LYPLAL1: variants seen among roughly 807,000 people sequenced by gnomAD.
LYPLAL1 encodes lysophospholipase-like protein 1.
LYPLAL1 carries 23 observed loss-of-function variants against 19.7 expected under a neutral mutation model. The ratio of observed to expected loss-of-function variants is 1.17; its 90% CI spans 0.84 to 1.65. The LOEUF is 1.65. LYPLAL1 is among the 40% of genes most tolerant of loss of function. LYPLAL1 has a pLI of 0.00. For synonymous variants in LYPLAL1, 119 were observed against 96.3 expected (o/e 1.24, Z -1.38); for missense variants, 355 against 279.4 (o/e 1.27, Z -1.93).
the LYPLAL1 span, among the ~76,000 whole-genome samples, chr1:219,232,113 T>C: frequency 6.6e-6 from 1 of 152,236 alleles, no homozygotes; most frequent in Non-Finnish European, 1.5e-5. Flanking sequence ...TTTATTATCT[T>C]AGCTTTCATA....
At chr1:219,338,367 A>G in the LYPLAL1 span, among the ~76,000 whole-genome samples, 5 of 152,040 alleles carry the variant, frequency 3.3e-5, no homozygotes, top group Admixed American at 6.6e-5. Context: ...GTGACCCTGC[A>G]TGAAACCACA....
chr1:219,345,908 G>T, the LYPLAL1 span, among the ~76,000 whole-genome samples: 1 of 152,268 alleles, frequency 6.6e-6, no homozygotes, highest in Admixed American at 6.5e-5. Flanking sequence ...TCAACGAGTG[G>T]TTCTCCTTTA....
At chr1:219,274,680 G>C in the LYPLAL1 span, among the ~76,000 whole-genome samples, 3 of 152,054 alleles carry the variant, frequency 2.0e-5, no homozygotes, top group African/African-American at 7.2e-5. Flanking sequence ...CACCGCCCCC[G>C]GCCAGTTTTG....
chr1:219,244,210 G>A, the LYPLAL1 span, among the ~76,000 whole-genome samples: 15 of 152,176 alleles, frequency 9.9e-5, no homozygotes, highest in African/African-American at 3.6e-4. Context: ...TAGTAAGTGA[G>A]GGATGCAGTT....
intron 2 of LYPLAL1, among the ~76,000 whole-genome samples, chr1:219,191,364 AG>A (rs1027341896): frequency 6.6e-6 from 1 of 151,680 alleles, no homozygotes; most frequent in African/African-American, 2.4e-5. Flanking sequence ...TCCCATTATT[AG>A]GGGAATGGCT....
At chr1:219,411,830 T>TA in the LYPLAL1 span, 1 of 166,624 alleles carries the variant, frequency 6.0e-6, no homozygotes, top group Non-Finnish European at 1.3e-5. Context: ...AACGCCACCT[T>TA]AAGAGCTGTA....
At chr1:219,335,671 A>G in the LYPLAL1 span, among the ~76,000 whole-genome samples, 7 of 152,062 alleles carry the variant, frequency 4.6e-5, no homozygotes, top group South Asian at 1.5e-3. Flanking sequence ...ATGGTAAAAT[A>G]ATTCATTAAT....
chr1:219,219,616 G>C, the LYPLAL1 span, among the ~76,000 whole-genome samples: 1 of 152,174 alleles, frequency 6.6e-6, no homozygotes, highest in Non-Finnish European at 1.5e-5. Flanking sequence ...ACCACCAGTT[G>C]GGTGGCATCT....
intron 2 of LYPLAL1, among the ~76,000 whole-genome samples, chr1:219,187,017 T>C (rs895202802): frequency 2.6e-5 from 4 of 151,556 alleles, no homozygotes; most frequent in African/African-American, 9.7e-5. Flanking sequence ...CTTTTTTACC[T>C]ACTTAGAGTT....
the LYPLAL1 span, among the ~76,000 whole-genome samples, chr1:219,381,238 CT>C: frequency 6.6e-6 from 1 of 152,196 alleles, no homozygotes; most frequent in African/African-American, 2.4e-5. Flanking sequence ...CACATGCTCT[CT>C]TGCCTGCTGC....
chr1:219,396,000 G>A, the LYPLAL1 span, among the ~76,000 whole-genome samples: 2 of 151,920 alleles, frequency 1.3e-5, no homozygotes, highest in African/African-American at 2.4e-5. Context: ...CTACTTGGGA[G>A]GCTGAGGCAG....
chr1:219,329,184 G>T, the LYPLAL1 span, among the ~76,000 whole-genome samples: 1 of 151,828 alleles, frequency 6.6e-6, no homozygotes, highest in Non-Finnish European at 1.5e-5. Flanking sequence ...ACTGGTCTCG[G>T]TTTGACACTT....
the LYPLAL1 span, among the ~76,000 whole-genome samples, chr1:219,248,288 T>C: frequency 7.2e-5 from 11 of 152,144 alleles, no homozygotes; most frequent in African/African-American, 2.7e-4. Flanking sequence ...CTGACACTCT[T>C]GGTGATGAGG....
the LYPLAL1 span, among the ~76,000 whole-genome samples, chr1:219,353,726 A>C: frequency 0.15 from 22,830 of 152,242 alleles, 1,897 homozygotes; most frequent in East Asian, 0.28. Flanking sequence ...CACAAAAATC[A>C]TTATGTCTAG....
the LYPLAL1 span, among the ~76,000 whole-genome samples, chr1:219,360,432 A>G: frequency 2.8e-4 from 42 of 152,186 alleles, no homozygotes; most frequent in Non-Finnish European, 5.6e-4. Flanking sequence ...ACTCGTAGAC[A>G]TCGGAGTAGT....
At chr1:219,276,388 GA>G in the LYPLAL1 span, among the ~76,000 whole-genome samples, 18 of 152,012 alleles carry the variant, frequency 1.2e-4, no homozygotes, top group Admixed American at 9.8e-4. Context: ...AACAGCAAAG[GA>G]AATCAATTTT....
the LYPLAL1 span, among the ~76,000 whole-genome samples, chr1:219,369,147 A>G: frequency 6.6e-5 from 10 of 152,400 alleles, no homozygotes; most frequent in African/African-American, 2.4e-4. Flanking sequence ...GAAACAGACC[A>G]GAGACAATAA....
At chr1:219,264,603 G>A in the LYPLAL1 span, among the ~76,000 whole-genome samples, 2 of 152,182 alleles carry the variant, frequency 1.3e-5, no homozygotes, top group African/African-American at 4.8e-5. Flanking sequence ...GCTTGGTTGG[G>A]TTGGGGGTGG....
chr1:219,392,038 T>G, the LYPLAL1 span, among the ~76,000 whole-genome samples: 1 of 152,084 alleles, frequency 6.6e-6, no homozygotes, highest in East Asian at 1.9e-4. Context: ...TAAAGGTACC[T>G]AGGGAGGCCT....
Sources: gnomAD v4.1 joint callset for allele counts (sites outside exome capture counted in the v4.1 genomes callset) on GRCh38, gnomAD v4.1.1 for gene constraint, MANE v1.5 for transcripts, NCBI Gene and HGNC (gene_info 2026-07-23, HGNC 2026-07-21) for gene names.